RIT2: variants seen among roughly 807,000 people sequenced by gnomAD.
RIT2 encodes the protein GTP-binding protein Rit2.
In RIT2, 24 loss-of-function variants were observed where a neutral mutation model predicts 23.7. The observed-to-expected ratio is 1.01, with a 90% CI of 0.73 to 1.43. The LOEUF is 1.43. Ranked by LOEUF, RIT2 falls within the 40% of genes most tolerant of loss-of-function variation. RIT2 has a pLI of 0.00. For missense variants in RIT2, 236 were observed against 266.9 expected (o/e 0.88, Z 0.81); for synonymous variants, 107 against 91.1 (o/e 1.17, Z -0.99).
chr18:42,743,585 G>T lies in RIT2; in HGVS notation c.562C>A (p.Pro188Thr), dbSNP rs1164384600. The T allele has an allele frequency of 6.2e-7, 1 of 1,613,894 alleles. No individual in the cohort carries two copies. The highest frequency in any genetic ancestry group is 1.7e-4 in the Middle Eastern group (1 of 6,058). The change falls in exon 5 of 5, where the codon CCA becomes ACA. Residue 188 changes from proline (P) to threonine (T), a missense_variant. Physicochemically the swap from Pro to Thr is conservative, Grantham distance 38 (BLOSUM62 -1). Coordinates refer to ENST00000326695, the MANE Select transcript of RIT2 (RefSeq NM_002930.4). ...VREIRKKESM[P>T]SLMEKKLKRK... ...TTCAGTTTCTTTTCCATCAAGGATG[G>T]CATGGACTCCTTCTTGCGAATTTCC...
intron 4 of RIT2, among the ~76,000 whole-genome samples, chr18:42,762,846 T>A (rs1913333858): frequency 6.6e-6 from 1 of 152,138 alleles, no homozygotes; most frequent in South Asian, 2.1e-4. Context: ...ACACCCTCCA[T>A]AAATATTTAC....
At chr18:43,097,463 T>C (rs969361734) in intron 1 of RIT2, among the ~76,000 whole-genome samples, 4 of 151,954 alleles carry the variant, frequency 2.6e-5, no homozygotes, top group Non-Finnish European at 4.4e-5. Flanking sequence ...GGTTTGGATA[T>C]TTACCTCTTA....
At chr18:42,770,195 C>T (rs992686744) in intron 4 of RIT2, among the ~76,000 whole-genome samples, 1 of 152,100 alleles carries the variant, frequency 6.6e-6, no homozygotes, top group Non-Finnish European at 1.5e-5. Context: ...GCCACCTGGG[C>T]ACTGAATGAC....
In RIT2 at chr18:42,909,521, A is replaced by T. The variant is rs184722349; in HGVS notation, c.426+14051T>A. ...TTCATATTTTGTAAATTTAAAAATC[A>T]AATCACCCTAATACAATAAAACAAT... On this transcript the variant is annotated intron_variant, in intron 4 of 4. Transcript: ENST00000326695. Among the ~76,000 whole-genome samples the T allele has an allele frequency of 8.1e-3, 1,226 of 152,258 alleles. 18 individuals carry two copies. The highest frequency in any genetic ancestry group is 0.028 in the African/African-American group (1,167 of 41,560).
chr18:43,022,070 G>C (rs1335923397), intron 2 of RIT2, among the ~76,000 whole-genome samples: 1 of 152,040 alleles, frequency 6.6e-6, no homozygotes, highest in Non-Finnish European at 1.5e-5. Context: ...GTCCATCAAT[G>C]GATGAATGAA....
intron 4 of RIT2, among the ~76,000 whole-genome samples, chr18:42,775,344 A>G (rs1258991040): frequency 6.6e-6 from 1 of 152,188 alleles, no homozygotes; most frequent in East Asian, 1.9e-4. Flanking sequence ...CATGAAGGGT[A>G]AATCAACTAT....
Position 43,019,956 on chromosome 18 carries a change from C to A in RIT2, c.160+13855G>T, listed in dbSNP as rs529856762. ...CTACAATAGTTACCAAAAAAAAAAA[C>A]TCCTAGGATTTAATTTAACCAAGGT... On this transcript the variant is annotated intron_variant, in intron 2 of 4. Transcript: ENST00000326695. Among the ~76,000 whole-genome samples, 877 of 150,638 alleles carry A rather than the reference C, an allele frequency of 5.8e-3. 11 individuals are homozygous for A. Among genetic ancestry groups the A allele is most frequent in the African/African-American group, 0.02 (835 of 41,166 alleles).
Position 42,795,672 on chromosome 18 carries a change from G to C in RIT2, c.427-51952C>G, listed in dbSNP as rs182632212. On this transcript the variant is annotated intron_variant, in intron 4 of 4. Coordinates refer to ENST00000326695, the MANE Select transcript of RIT2 (RefSeq NM_002930.4). ...CTGCAGCCCGGGTGCGGGATCCACT[G>C]GGTGAAGCCAGCTGGGGTCCTGAGT... Among the ~76,000 whole-genome samples the C allele has an allele frequency of 1.4e-3, 207 of 152,358 alleles. 1 individual carries two copies. Among genetic ancestry groups the C allele is most frequent in the Middle Eastern group, 0.01 (3 of 294 alleles).
intron 1 of RIT2, among the ~76,000 whole-genome samples, chr18:43,111,277 A>G (rs866829678): frequency 1.1e-4 from 16 of 152,192 alleles, no homozygotes; most frequent in African/African-American, 3.1e-4. Context: ...AGATAGTAGA[A>G]TGATGGCTAC....
chr18:43,049,428 C>T (rs1912324931), intron 1 of RIT2, among the ~76,000 whole-genome samples: 1 of 152,086 alleles, frequency 6.6e-6, no homozygotes, highest in South Asian at 2.1e-4. Flanking sequence ...ATTTCCTGTA[C>T]ATTTAATCAA....
At chr18:42,920,841 A>G in intron 4 of RIT2, 2 of 953,990 alleles carry the variant, frequency 2.1e-6, no homozygotes, top group Non-Finnish European at 3.3e-6. Flanking sequence ...GTGTAATTTC[A>G]CCGTTGAGAG....
At chr18:42,831,066 AAGTCTAATGATTTT>A (rs1225997360) in intron 4 of RIT2, among the ~76,000 whole-genome samples, 1 of 152,202 alleles carries the variant, frequency 6.6e-6, no homozygotes, top group East Asian at 1.9e-4. Flanking sequence ...CATGATGTAT[AAGTCTAATGATTTT>A]AAAATTACTT....
At chr18:43,097,435 G>T (rs775126963) in intron 1 of RIT2, among the ~76,000 whole-genome samples, 24 of 151,768 alleles carry the variant, frequency 1.6e-4, no homozygotes, top group South Asian at 4.2e-4. Context: ...ATACTGAGAG[G>T]GAGAATAAAT....
intron 2 of RIT2, among the ~76,000 whole-genome samples, chr18:43,026,372 G>A (rs1280758223): frequency 2.0e-5 from 3 of 151,690 alleles, no homozygotes; most frequent in Non-Finnish European, 4.4e-5. Context: ...TGACCAACAT[G>A]GTGAAACCCC....
chr18:42,806,662 C>A (rs1905693730), intron 4 of RIT2, among the ~76,000 whole-genome samples: 1 of 152,056 alleles, frequency 6.6e-6, no homozygotes, highest in South Asian at 2.1e-4. Flanking sequence ...AAGCTAGTAG[C>A]AAGTTACTAT....
chr18:42,770,092 C>G (rs1418928273), intron 4 of RIT2, among the ~76,000 whole-genome samples: 1 of 151,752 alleles, frequency 6.6e-6, no homozygotes, highest in Non-Finnish European at 1.5e-5. Flanking sequence ...GAGACTGCTT[C>G]ATAGGGTCAA....
intron 3 of RIT2, among the ~76,000 whole-genome samples, chr18:42,957,604 C>T (rs1416216425): frequency 4.6e-5 from 7 of 151,910 alleles, no homozygotes; most frequent in East Asian, 3.9e-4. Flanking sequence ...GTCAACTTGG[C>T]GAAGCTCTGT....
intron 2 of RIT2, among the ~76,000 whole-genome samples, chr18:42,996,597 A>C (rs748407910): frequency 2.4e-4 from 36 of 151,942 alleles, no homozygotes; most frequent in Non-Finnish European, 4.7e-4. Context: ...TCAACTACTG[A>C]GCACCTTGTG....
At chr18:43,027,393 G>T (rs574299645) in intron 2 of RIT2, among the ~76,000 whole-genome samples, 2 of 152,158 alleles carry the variant, frequency 1.3e-5, no homozygotes, top group East Asian at 1.9e-4. Flanking sequence ...TTCACAAAAA[G>T]AAAATATTGT....
Sources: allele counts gnomAD v4.1 joint callset (sites outside exome capture counted in the v4.1 genomes callset), GRCh38; gene constraint gnomAD v4.1.1; transcripts MANE v1.5; gene names NCBI Gene and HGNC (gene_info 2026-07-23, HGNC 2026-07-21).